PKN2: variants seen among roughly 807,000 people sequenced by gnomAD.
PKN2 encodes the protein protein kinase N2.
In PKN2, 38 loss-of-function variants were observed where a neutral mutation model predicts 119.1. The ratio of observed to expected loss-of-function variants is 0.32; its 90% confidence interval spans 0.25 to 0.42. The LOEUF is 0.42. PKN2 is among the 10% of genes least tolerant of loss of function. The pLI, the probability that PKN2 is intolerant of heterozygous loss-of-function variation, is 1.00. For missense variants in PKN2, 850 were observed against 1,165.1 expected (o/e 0.73, Z 3.94); for synonymous variants, 390 against 384.9 (o/e 1.01, Z -0.15).
chr1:88,776,772 C>G (rs1051145002), intron 6 of PKN2, among the ~76,000 whole-genome samples: 2 of 151,622 alleles, frequency 1.3e-5, no homozygotes, highest in African/African-American at 2.4e-5. Context: ...CTGCTTCCTC[C>G]AGGCCTTTAT....
intron 8 of PKN2, among the ~76,000 whole-genome samples, chr1:88,788,702 C>T (rs753486045): frequency 3.9e-5 from 6 of 152,100 alleles, no homozygotes; most frequent in Admixed American, 2.6e-4. Context: ...ACCTCGGCCT[C>T]CCAAAGTGCT....
intron 13 of PKN2, 27 bp from the exon 14 acceptor site, chr1:88,807,502 A>C: frequency 6.2e-7 from 1 of 1,603,048 alleles, no homozygotes; most frequent in Non-Finnish European, 8.5e-7. Context: ...TTATTGTCTT[A>C]TTATTAATTG....
chr1:88,807,654 T>G (rs1463332858), intron 14 of PKN2, 30 bp from the exon 15 acceptor site: 2 of 1,562,040 alleles, frequency 1.3e-6, no homozygotes, highest in Middle Eastern at 1.7e-4. Flanking sequence ...ATAACTCAAG[T>G]GGAAAATAAT....
intron 19 of PKN2, among the ~76,000 whole-genome samples, chr1:88,829,926 A>G (rs17130629): frequency 0.11 from 16,969 of 152,148 alleles, 1,970 homozygotes; most frequent in African/African-American, 0.3. Flanking sequence ...CGGATGGATA[A>G]CCCCTTTTGG....
intron 3 of PKN2, among the ~76,000 whole-genome samples, chr1:88,765,233 C>T (rs1281988025): frequency 6.7e-6 from 1 of 150,220 alleles, no homozygotes; most frequent in Non-Finnish European, 1.5e-5. Flanking sequence ...CCAGCCTTGT[C>T]TCCTGTTTAT....
At chr1:88,710,965 G>A (rs1570511542) in intron 1 of PKN2, among the ~76,000 whole-genome samples, 1 of 152,270 alleles carries the variant, frequency 6.6e-6, no homozygotes, top group Middle Eastern at 3.4e-3. Context: ...ATACTATGCA[G>A]CCATAAGAAA....
intron 1 of PKN2, among the ~76,000 whole-genome samples, chr1:88,686,308 G>T (rs6685715): frequency 6.6e-5 from 10 of 152,036 alleles, no homozygotes; most frequent in Non-Finnish European, 1.5e-4. Context: ...TTTGGCATTG[G>T]TACTTGTATG....
intron 16 of PKN2, among the ~76,000 whole-genome samples, chr1:88,820,526 T>TC (rs1039703658): frequency 1.4e-5 from 2 of 147,814 alleles, no homozygotes; most frequent in Non-Finnish European, 3.0e-5. Flanking sequence ...AGAGCAAAAC[T>TC]CCATCTCAAA....
chr1:88,826,816 A>G (rs916544810), intron 18 of PKN2, among the ~76,000 whole-genome samples: 1 of 152,198 alleles, frequency 6.6e-6, no homozygotes, highest in East Asian at 1.9e-4. Flanking sequence ...CATAAGTTAT[A>G]TTTCTTCATT....
At chr1:88,792,405 AAAAT>A (rs560143650) in intron 8 of PKN2, among the ~76,000 whole-genome samples, 2 of 151,992 alleles carry the variant, frequency 1.3e-5, no homozygotes, top group African/African-American at 4.8e-5. Context: ...TCCGTCTCAA[AAAAT>A]AAATAAATAA....
At chr1:88,744,393 A>G (rs1216421750) in intron 2 of PKN2, among the ~76,000 whole-genome samples, 1 of 152,126 alleles carries the variant, frequency 6.6e-6, no homozygotes, top group Non-Finnish European at 1.5e-5. Flanking sequence ...TGTGTAAATC[A>G]TTACTGTCTA....
At chr1:88,734,305 C>T (rs911631733) in intron 1 of PKN2, among the ~76,000 whole-genome samples, 2 of 152,008 alleles carry the variant, frequency 1.3e-5, no homozygotes, top group Non-Finnish European at 2.9e-5. Flanking sequence ...CCCTATATTT[C>T]CTCCATATTT....
rs756239015 is a variant in PKN2 at position 88,741,052 on chromosome 1, A to G, written c.113A>G (p.Asp38Gly). 2 of 1,601,786 alleles carry G rather than the reference A, an allele frequency of 1.2e-6. No homozygotes were observed. The highest frequency in any genetic ancestry group is 1.1e-5 in the South Asian group (1 of 87,866). The change falls in exon 2 of 22, where the codon GAT (aspartate) becomes GGT (glycine). Residue 38 changes from aspartate to glycine, a missense_variant. Physicochemically the swap from Asp to Gly is moderately conservative, Grantham distance 94. Transcript: ENST00000370521. ...VSAVQKLDFSDTMVQQKLDDI... is the reference protein window; with the variant it reads ...VSAVQKLDFSGTMVQQKLDDI... ...GCTGTTCAAAAATTAGACTTTTCAG[A>G]TACAATGGTGCAGCAGAAATTGGAT...
chr1:88,731,353 C>T (rs545333896), intron 1 of PKN2, among the ~76,000 whole-genome samples: 48 of 152,290 alleles, frequency 3.2e-4, no homozygotes, highest in Non-Finnish European at 2.8e-4. Context: ...GAAATGTGTT[C>T]TGCTAATATC....
rs1665979166 is a variant in PKN2, at chr1:88,684,390, C to T, written c.-191C>T. 2 of 527,234 alleles carry T rather than the reference C, an allele frequency of 3.8e-6. No individual in the cohort carries two copies. Among genetic ancestry groups the T allele is most frequent in the Admixed American group, 3.8e-5 (1 of 26,054 alleles). The allele number at this position is 527,234 out of a possible 1,614,324, so 32.7% of individuals were successfully genotyped here. On this transcript the variant is annotated 5_prime_UTR_variant, in exon 1 of 22. Transcript: ENST00000370521. Reference sequence around the variant, plus strand: ...AGGAAGCCCGCTACGAGTGCCCTAGCTCCCCGCCGCTCTCGATGAACCGGA... The same window carrying T: ...AGGAAGCCCGCTACGAGTGCCCTAGTTCCCCGCCGCTCTCGATGAACCGGA...
At chr1:88,760,490 G>A in intron 3 of PKN2, 114 bp downstream of exon 3, 1 of 572,986 alleles carries the variant, frequency 1.7e-6, no homozygotes, top group Non-Finnish European at 3.0e-6. Context: ...AGTACTGGTG[G>A]CATGGCACTT....
intron 16 of PKN2, among the ~76,000 whole-genome samples, chr1:88,821,675 C>A (rs1672297225): frequency 6.6e-6 from 1 of 152,146 alleles, no homozygotes; most frequent in Non-Finnish European, 1.5e-5. Flanking sequence ...TATTGTAATT[C>A]CTCCTGCAGA....
intron 6 of PKN2, among the ~76,000 whole-genome samples, chr1:88,781,888 T>G (rs1670360172): frequency 6.6e-6 from 1 of 152,108 alleles, no homozygotes; most frequent in Non-Finnish European, 1.5e-5. Flanking sequence ...ATGATATAAT[T>G]AATGTGTTAT....
intron 6 of PKN2, among the ~76,000 whole-genome samples, chr1:88,783,443 G>A (rs572337956): frequency 4.6e-5 from 7 of 151,014 alleles, no homozygotes; most frequent in South Asian, 2.1e-4. Flanking sequence ...ATCACTATTC[G>A]TCTTTAACCT....
Sources: allele counts gnomAD v4.1 joint callset (sites outside exome capture counted in the v4.1 genomes callset), GRCh38; gene constraint gnomAD v4.1.1; transcripts MANE v1.5; gene names NCBI Gene and HGNC (gene_info 2026-07-23, HGNC 2026-07-21).